The following STPG1 variants were observed in gnomAD, a reference collection of about 807,000 sequenced individuals.
The protein encoded by STPG1 is sperm tail PG-rich repeat containing 1.
STPG1 carries 33 observed loss-of-function variants against 40.1 expected under a neutral mutation model. The ratio of observed to expected loss-of-function variants is 0.82; its 90% confidence interval spans 0.62 to 1.10. STPG1 has a LOEUF of 1.10. Among genes scored for constraint, STPG1 ranks in the 50% least tolerant of loss-of-function variants. The pLI is 0.00. For missense variants in STPG1, 396 were observed against 415.1 expected (o/e 0.95, Z 0.40); for synonymous variants, 150 against 155.0 (o/e 0.97, Z 0.24).
chr1:24,413,046 G>A (rs1180463461), intron 1 of STPG1, among the ~76,000 whole-genome samples: 2 of 152,128 alleles, frequency 1.3e-5, no homozygotes, highest in East Asian at 3.8e-4. Context: ...GAGTAGTTTC[G>A]TCTGTAGGCG....
intron 1 of STPG1, among the ~76,000 whole-genome samples, chr1:24,412,624 T>C (rs553217882): frequency 5.9e-5 from 9 of 152,150 alleles, no homozygotes; most frequent in Middle Eastern, 3.2e-3. Context: ...TTTGAGAGGC[T>C]GAGGGGGAAG....
At chr1:24,375,415 G>A (rs990679443) in intron 5 of STPG1, among the ~76,000 whole-genome samples, 2 of 152,108 alleles carry the variant, frequency 1.3e-5, no homozygotes, top group African/African-American at 4.8e-5. Context: ...AATGCAGATG[G>A]CATTTTGATT....
At chr1:24,414,238 G>GT (rs1375808506), upstream of STPG1, 1 of 151,724 alleles carries the variant, frequency 6.6e-6, no homozygotes, top group African/African-American at 2.4e-5. Context: ...TAGAGACAGG[G>GT]TTTCACCACG....
At chr1:24,414,082 C>G (rs1643898982), upstream of STPG1, 1 of 151,760 alleles carries the variant, frequency 6.6e-6, no homozygotes, top group African/African-American at 2.4e-5. Flanking sequence ...CTCGCTTTGT[C>G]GAGCAGGCTG....
At chr1:24,403,463 T>C (rs558224159) in intron 1 of STPG1, among the ~76,000 whole-genome samples, 1 of 152,276 alleles carries the variant, frequency 6.6e-6, no homozygotes, top group Non-Finnish European at 1.5e-5. Context: ...CCCTTTTGAA[T>C]ATAACTTACA....
At chr1:24,398,742 A>G (rs1643104207) in intron 2 of STPG1, among the ~76,000 whole-genome samples, 1 of 152,148 alleles carries the variant, frequency 6.6e-6, no homozygotes, top group Admixed American at 6.5e-5. Flanking sequence ...ATTACCATTT[A>G]TAACAGCATA....
intron 7 of STPG1, among the ~76,000 whole-genome samples, chr1:24,366,700 C>G (rs1248103048): frequency 6.6e-6 from 1 of 152,134 alleles, no homozygotes; most frequent in Non-Finnish European, 1.5e-5. Context: ...GTGAGCAAAC[C>G]TGGGATTCTG....
rs949862803 is a variant in STPG1 at position 24,357,850 on chromosome 1, G to A, written c.*693C>T. The A allele has an allele frequency of 5.6e-5, 17 of 303,072 alleles. No homozygotes were observed. The highest frequency in any genetic ancestry group is 4.1e-4 in the Admixed American group (9 of 22,142). The allele number at this position is 303,072 out of a possible 1,614,324, so 18.8% of individuals were successfully genotyped here. A position where few individuals can be genotyped will look rare whatever the true frequency, so the allele number is the denominator to read the frequency against. On this transcript the variant is annotated 3_prime_UTR_variant, in exon 9 of 9. Coordinates refer to ENST00000337248, the MANE Select transcript of STPG1 (RefSeq NM_001199013.2). ...GTAAGCCTTGAGAAAATTCAGTCCC[G>A]CCAGCAGAGAAAGTCAGGGAAAAGC...
chr1:24,364,227 A>T (rs1641306056), intron 7 of STPG1: 2 of 1,544,078 alleles, frequency 1.3e-6, no homozygotes, highest in Middle Eastern at 1.7e-4. Flanking sequence ...GCCACCCCCC[A>T]CCTGACTGTC....
intron 2 of STPG1, among the ~76,000 whole-genome samples, chr1:24,392,791 C>T (rs898503230): frequency 6.6e-6 from 1 of 151,650 alleles, no homozygotes; most frequent in Non-Finnish European, 1.5e-5. Flanking sequence ...CTGTTCACAA[C>T]AGTAAGCCAA....
chr1:24,364,561 GC>G (rs1178143329), intron 7 of STPG1: 1 of 992,362 alleles, frequency 1.0e-6, no homozygotes, highest in African/African-American at 1.7e-5. Context: ...GAGGCCCCTA[GC>G]CCTATCCCGG....
At chr1:24,388,003 G>T (rs528727651) in intron 3 of STPG1, among the ~76,000 whole-genome samples, 1 of 152,268 alleles carries the variant, frequency 6.6e-6, no homozygotes, top group South Asian at 2.1e-4. Context: ...CTTCCCATTT[G>T]GGAGGGTAGA....
chr1:24,390,228 G>A (rs1386396372), intron 3 of STPG1, among the ~76,000 whole-genome samples: 1 of 152,216 alleles, frequency 6.6e-6, no homozygotes, highest in Non-Finnish European at 1.5e-5. Context: ...AGACTCTAAG[G>A]ACGCCTGTGA....
At chr1:24,396,302 C>T (rs374230556) in intron 2 of STPG1, among the ~76,000 whole-genome samples, 1 of 136,048 alleles carries the variant, frequency 7.4e-6, no homozygotes. Context: ...TATCTATCAT[C>T]TATCTATCTT....
intron 6 of STPG1, among the ~76,000 whole-genome samples, chr1:24,372,549 G>C (rs556948962): frequency 6.6e-6 from 1 of 152,294 alleles, no homozygotes; most frequent in African/African-American, 2.4e-5. Context: ...AGGGACTCTG[G>C]CCAACCCCAG....
intron 2 of STPG1, among the ~76,000 whole-genome samples, chr1:24,395,220 A>C: frequency 6.6e-6 from 1 of 151,936 alleles, no homozygotes; most frequent in East Asian, 1.9e-4. Context: ...TATCTTCAAA[A>C]GCAAAAGCAG....
chr1:24,406,732 G>A (rs1019869289), intron 1 of STPG1, among the ~76,000 whole-genome samples: 1 of 152,046 alleles, frequency 6.6e-6, no homozygotes, highest in African/African-American at 2.4e-5. Flanking sequence ...TTTCTGATGA[G>A]AAGTCCACTG....
At position 24,359,351 on chromosome 1, in the gene STPG1, A is replaced by G. The variant is rs1640938534; in HGVS notation, c.929-732T>C. On this transcript the variant is annotated intron_variant, in intron 8 of 8. Coordinates refer to ENST00000337248, the MANE Select transcript of STPG1 (RefSeq NM_001199013.2). The surrounding 1 kb of genome is among the most constrained non-coding windows in gnomAD (Gnocchi z 5.3). ...GCAATGCTTCCAGAGGATGTGGTAG[A>G]GCAGGGTCAAAGCAGGATCCCTGCC... Among the ~76,000 whole-genome samples the G allele has an allele frequency of 6.6e-6, 1 of 152,242 alleles. No individual in the cohort carries two copies. Among genetic ancestry groups the G allele is most frequent in the African/African-American group, 2.4e-5 (1 of 41,460 alleles).
intron 7 of STPG1, among the ~76,000 whole-genome samples, chr1:24,365,387 C>T (rs1044419409): frequency 1.3e-5 from 2 of 152,228 alleles, no homozygotes; most frequent in African/African-American, 2.4e-5. Flanking sequence ...ATCTCCAAAA[C>T]TCTCACCCTG....
Sources: allele counts gnomAD v4.1 joint callset (sites outside exome capture counted in the v4.1 genomes callset), GRCh38; gene constraint gnomAD v4.1.1; non-coding constraint Gnocchi (gnomAD v3.1); transcripts MANE v1.5; gene names NCBI Gene and HGNC (gene_info 2026-07-23, HGNC 2026-07-21).